SPINK5: variants seen among roughly 807,000 people sequenced by gnomAD.
SPINK5 encodes the protein serine peptidase inhibitor Kazal type 5.
Under a neutral mutation model 151.8 loss-of-function variants are expected in SPINK5, and 125 were observed. That is an observed-to-expected ratio of 0.82 (90% CI 0.71 to 0.96). The LOEUF is 0.96. Among genes scored for constraint, SPINK5 ranks in the 40% least tolerant of loss-of-function variants. The pLI, the probability that SPINK5 is intolerant of heterozygous loss-of-function variation, is 0.00. For synonymous variants in SPINK5, 374 were observed against 395.3 expected (o/e 0.95, Z 0.64); for missense variants, 1,194 against 1,291.9 (o/e 0.92, Z 1.16).
chr5:148,093,962 A>G (rs1009981507), intron 8 of SPINK5, among the ~76,000 whole-genome samples: 1 of 151,992 alleles, frequency 6.6e-6, no homozygotes, highest in Non-Finnish European at 1.5e-5. Context: ...TAAATCTATT[A>G]TAAAGTTTCC....
chr5:148,086,524 T>C lies in SPINK5; in HGVS notation c.402T>C (p.Ala134=), dbSNP rs371877583. The part of the protein sequence containing the change: ...KTYDNRCALC[A]ENAKTGSQIG... ...ATGACAACAGATGTGCACTGTGTGCTGAGAATGCGTGAGTATTCTCTGAAG... is the reference window on the plus strand; with the variant it reads ...ATGACAACAGATGTGCACTGTGTGCCGAGAATGCGTGAGTATTCTCTGAAG... The change falls in exon 5 of 33, where the codon GCT becomes GCC. Residue 134 remains alanine, a synonymous_variant. Transcript: ENST00000256084. 49 of 1,611,034 alleles carry C rather than the reference T, an allele frequency of 3.0e-5. No individual in the cohort carries two copies. The African/African-American group carries it at 4.6e-4, about 15-fold the overall frequency.
chr5:148,132,891 C>T (rs920823835), intron 31 of SPINK5, among the ~76,000 whole-genome samples: 2 of 152,042 alleles, frequency 1.3e-5, no homozygotes, highest in Non-Finnish European at 2.9e-5. Flanking sequence ...AAGAAATTCC[C>T]GTTTAAGGAA....
intron 24 of SPINK5, among the ~76,000 whole-genome samples, chr5:148,119,527 G>T (rs139455134): frequency 2.0e-5 from 3 of 152,166 alleles, no homozygotes; most frequent in Admixed American, 1.3e-4. Flanking sequence ...TGGTAATGCC[G>T]CATTCCTTTG....
intron 5 of SPINK5, among the ~76,000 whole-genome samples, chr5:148,088,018 G>A (rs1458339389): frequency 6.6e-6 from 1 of 151,612 alleles, no homozygotes; most frequent in Non-Finnish European, 1.5e-5. Context: ...TAGGAAATAT[G>A]TCTTACATTT....
intron 26 of SPINK5, among the ~76,000 whole-genome samples, chr5:148,121,328 G>T (rs1427728141): frequency 6.6e-6 from 1 of 151,082 alleles, no homozygotes; most frequent in East Asian, 1.9e-4. Flanking sequence ...TGCACCGACG[G>T]ACTCCAATTA....
At chr5:148,122,820 C>G (rs1395044986) in intron 26 of SPINK5, among the ~76,000 whole-genome samples, 9 of 149,594 alleles carry the variant, frequency 6.0e-5, no homozygotes, top group Middle Eastern at 3.5e-3. Context: ...TTTACAACCA[C>G]TAAAGGAAAT....
At chr5:148,128,809 C>A (rs958193791) in intron 30 of SPINK5, among the ~76,000 whole-genome samples, 1 of 152,196 alleles carries the variant, frequency 6.6e-6, no homozygotes, top group African/African-American at 2.4e-5. Flanking sequence ...AGGCGTGAGC[C>A]ACCGCGCCCG....
At chr5:148,070,302 A>T in intron 2 of SPINK5, 21 bp from the exon 3 acceptor site, 1 of 1,611,472 alleles carries the variant, frequency 6.2e-7, no homozygotes, top group Non-Finnish European at 8.5e-7. Flanking sequence ...AGCTAACACA[A>T]CTTTTTTGGC....
chr5:148,064,069 C>T lies in SPINK5; in HGVS notation c.25C>T (p.Leu9Phe), dbSNP rs1199937281. The T allele has an allele frequency of 1.2e-6, 2 of 1,614,148 alleles. No homozygotes were observed. Among genetic ancestry groups the T allele is most frequent in the Non-Finnish European group, 1.7e-6 (2 of 1,180,032 alleles). MKIATVSV[L>F]LPLALCLIQD... The stretch of plus-strand genomic sequence containing the variant: ...CATGAAGATAGCCACAGTGTCAGTG[C>T]TTCTGCCCTTGGCTCTTTGCCTCAT... Residue 9 changes from leucine (L) to phenylalanine (F), a missense_variant, in exon 1 of 33, where the codon CTT becomes TTT. Coordinates refer to ENST00000256084, the MANE Select transcript of SPINK5 (RefSeq NM_006846.4).
rs74393428 is a variant in SPINK5 at position 148,108,632 on chromosome 5, T to A, written c.1608-121T>A. 1.3e-3 allele frequency: 1,891 copies of A among 1,425,778 alleles called. 27 individuals carry two copies. In the African/African-American group the frequency reaches 0.023, roughly 18 times the overall value. The allele number at this position is 1,425,778 out of a possible 1,614,324, so 88.3% of individuals were successfully genotyped here. A position where few individuals can be genotyped will look rare whatever the true frequency, so the allele number is the denominator to read the frequency against. On this transcript the variant is annotated intron_variant, in intron 17 of 32. Coordinates refer to ENST00000256084, the MANE Select transcript of SPINK5 (RefSeq NM_006846.4). Reference sequence around the variant, plus strand: ...AAGCAAAAGCACCTCTCAGACTAGATAAATTTGTATTGAAGACTGAATCTG... The same window carrying A: ...AAGCAAAAGCACCTCTCAGACTAGAAAAATTTGTATTGAAGACTGAATCTG...
chr5:148,121,143 CAAAA>C (rs767012594), intron 26 of SPINK5, among the ~76,000 whole-genome samples: 117 of 68,662 alleles, frequency 1.7e-3, no homozygotes, highest in East Asian at 9.4e-3. Flanking sequence ...GACTCTGTCT[CAAAA>C]AAAAAAAAAA....
intron 4 of SPINK5, among the ~76,000 whole-genome samples, chr5:148,075,688 T>C (rs2127196109): frequency 6.6e-6 from 1 of 151,848 alleles, no homozygotes; most frequent in East Asian, 2.0e-4. Context: ...TGATCAGCAG[T>C]CTATACCAAT....
At position 148,120,113 on chromosome 5, in the gene SPINK5, G is replaced by A; in HGVS notation, c.2418G>A (p.Lys806=). ...RGPDGKTHGN[K]CTMCKEKLER... is the part of the protein sequence containing the mutation. ...CAGATGGCAAGACACATGGCAATAAGTGTACTATGTGTAAGGAAAAACTGT... is the reference window on the plus strand; with the variant it reads ...CAGATGGCAAGACACATGGCAATAAATGTACTATGTGTAAGGAAAAACTGT... The change falls in exon 25 of 33, where the codon AAG becomes AAA. Residue 806 remains lysine, a synonymous_variant. Transcript: ENST00000256084. The A allele has an allele frequency of 1.2e-6, 2 of 1,614,036 alleles. No individual in the cohort carries two copies. Among genetic ancestry groups the A allele is most frequent in the South Asian group, 1.1e-5 (1 of 91,074 alleles).
chr5:148,127,169 G>A, intron 30 of SPINK5, 90 bp downstream of exon 30: 2 of 1,164,094 alleles, frequency 1.7e-6, no homozygotes, highest in Non-Finnish European at 2.5e-6. Context: ...TCATAGAAGG[G>A]TCTGAGGTTT....
intron 19 of SPINK5, among the ~76,000 whole-genome samples, chr5:148,112,440 C>T (rs996740162): frequency 1.3e-5 from 2 of 151,946 alleles, no homozygotes; most frequent in Non-Finnish European, 1.5e-5. Flanking sequence ...TTTGGGAGGC[C>T]GAGGCGGGCA....
chr5:148,131,356 A>G lies in SPINK5; in HGVS notation c.3062A>G (p.Tyr1021Cys). Residue 1021 changes from tyrosine to cysteine, a missense_variant, in exon 31 of 33, where the codon TAC becomes TGC. Physicochemically the swap from Tyr to Cys is radical, Grantham distance 194 (BLOSUM62 -2). Transcript: ENST00000256084. The part of the protein sequence containing the change: ...KPVCGDDGQT[Y>C]NNPCMLCHEN... ...GTCTGTGGTGACGATGGCCAAACCTACAACAATCCTTGCATGCTCTGTCAT... is the reference window on the plus strand; with the variant it reads ...GTCTGTGGTGACGATGGCCAAACCTGCAACAATCCTTGCATGCTCTGTCAT... The G allele has an allele frequency of 1.2e-6, 2 of 1,613,936 alleles. No homozygotes were observed. Among genetic ancestry groups the G allele is most frequent in the Non-Finnish European group, 1.7e-6 (2 of 1,179,838 alleles).
At chr5:148,123,780 G>A in intron 26 of SPINK5, 53 bp from the exon 27 acceptor site, 1 of 1,611,386 alleles carries the variant, frequency 6.2e-7, no homozygotes, top group South Asian at 1.1e-5. Flanking sequence ...CATGTTATCA[G>A]GTTTGAAAGA....
intron 3 of SPINK5, among the ~76,000 whole-genome samples, chr5:148,070,655 C>G (rs1214425407): frequency 6.6e-6 from 1 of 152,104 alleles, no homozygotes; most frequent in Non-Finnish European, 1.5e-5. Flanking sequence ...ATCACTCAAA[C>G]AAGATTCTGA....
At position 148,124,820 on chromosome 5, in the gene SPINK5, C is replaced by A. The variant is rs921979611; in HGVS notation, c.2722C>A (p.Pro908Thr). ...AGATGAAGAGAAATCAAGTAGCAAG[C>A]CCTCAAATAATGCAAAGGTTATTTA... ...KKDEEKSSSK[P>T]SNNAKDECSE... The change falls in exon 28 of 33, where the codon CCC becomes ACC. Residue 908 changes from proline (P) to threonine (T), a missense_variant. Physicochemically the swap from Pro to Thr is conservative, Grantham distance 38 (BLOSUM62 -1). Transcript: ENST00000256084. The A allele has an allele frequency of 1.0e-5, 16 of 1,606,140 alleles. No homozygotes were observed. Among genetic ancestry groups the A allele is most frequent in the Non-Finnish European group, 1.3e-5 (15 of 1,176,172 alleles).
Sources: gnomAD v4.1 joint callset for allele counts (sites outside exome capture counted in the v4.1 genomes callset) on GRCh38, gnomAD v4.1.1 for gene constraint, MANE v1.5 for transcripts, NCBI Gene and HGNC (gene_info 2026-07-23, HGNC 2026-07-21) for gene names.